PCNT: variants seen among roughly 807,000 people sequenced by gnomAD.
The protein encoded by PCNT is kendrin.
A neutral mutation model predicts 380.4 loss-of-function variants in PCNT; 319 were observed. The observed-to-expected ratio is 0.84, with a 90% CI of 0.77 to 0.92. The LOEUF (loss-of-function observed/expected upper bound fraction) is 0.92. PCNT is among the 40% of genes least tolerant of loss of function. PCNT has a pLI of 0.00. For synonymous variants in PCNT, 1,845 were observed against 1,735.2 expected (o/e 1.06, Z -1.57); for missense variants, 4,400 against 4,255.3 (o/e 1.03, Z -0.95).
In PCNT at chr21:46,347,472, A is replaced by G; in HGVS notation, c.992A>G (p.Lys331Arg). The G allele has an allele frequency of 6.2e-7, 1 of 1,611,990 alleles. No homozygotes were observed. Among genetic ancestry groups the G allele is most frequent in the African/African-American group, 1.3e-5 (1 of 74,892 alleles). The change falls in exon 6 of 47, where the codon AAG becomes AGG. Residue 331 changes from lysine to arginine, a missense_variant. Coordinates refer to ENST00000359568, the MANE Select transcript of PCNT (RefSeq NM_006031.6). The part of the protein sequence containing the change: ...CGQEAAELKE[K>R]LQSEMEKNAQ... ...TTTCTTGCAGCTGAGCTGAAGGAGA[A>G]GTTACAATCAGAAATGGAGAAAAAC...
chr21:46,417,844 A>C (rs1365617881), intron 30 of PCNT, among the ~76,000 whole-genome samples: 1 of 152,234 alleles, frequency 6.6e-6, no homozygotes, highest in Non-Finnish European at 1.5e-5. Flanking sequence ...TTGAGGATGC[A>C]GTGAGCCAAG....
At chr21:46,330,948 C>G (rs2146305801) in intron 2 of PCNT, among the ~76,000 whole-genome samples, 1 of 152,076 alleles carries the variant, frequency 6.6e-6, no homozygotes, top group South Asian at 2.1e-4. Flanking sequence ...TTTATTTTAC[C>G]CATCTATAAA....
At chr21:46,415,371 T>A (rs2086984371) in intron 29 of PCNT, among the ~76,000 whole-genome samples, 1 of 131,638 alleles carries the variant, frequency 7.6e-6, no homozygotes, top group Non-Finnish European at 1.6e-5. Context: ...TTGAATTTTT[T>A]TTTTTTTTTT....
intron 27 of PCNT, among the ~76,000 whole-genome samples, chr21:46,403,791 T>C (rs1389327472): frequency 1.6e-5 from 2 of 127,724 alleles, no homozygotes; most frequent in African/African-American, 6.2e-5. Flanking sequence ...GTGGGAGAAT[T>C]GTGTGTGTGG....
In PCNT at chr21:46,346,318, A is replaced by C. The variant is rs9979907; in HGVS notation, c.720+110A>C. The C allele has an allele frequency of 0.59, 383,298 of 647,262 alleles. 123,652 individuals are homozygous for C. The highest frequency in any genetic ancestry group is 0.78 in the African/African-American group (42,633 of 54,788). 40.1% of individuals were successfully genotyped at this position (647,262 alleles called of 1,614,324 possible). On this transcript the variant is annotated intron_variant, in intron 4 of 46. Coordinates refer to ENST00000359568, the MANE Select transcript of PCNT (RefSeq NM_006031.6). ...TGGGCGCTGCCATCTCCTTTCTCTG[A>C]GTTGTCTGTTTCCACGTTCTGTGTG... is the stretch of plus-strand genomic sequence containing the variant.
At position 46,348,620 on chromosome 21, in the gene PCNT, CT is replaced by C. The variant is rs533856499; in HGVS notation, c.1033-384del. Reference sequence around the variant, plus strand: ...TAGTTGGGGGCCATGACTGCCCATTCTTTTTTTTCTTTGAGACAGGGTCTCA... The same window carrying C: ...TAGTTGGGGGCCATGACTGCCCATTCTTTTTTTCTTTGAGACAGGGTCTCA... On this transcript the variant is annotated intron_variant, in intron 6 of 46. Coordinates refer to ENST00000359568, the MANE Select transcript of PCNT (RefSeq NM_006031.6). 2.6e-4 allele frequency among the ~76,000 whole-genome samples: 39 copies of C among 152,056 alleles called. No individual in the cohort carries two copies. In the South Asian group the frequency reaches 3.7e-3, roughly 15 times the overall value.
rs72175446 is a variant in PCNT, at chr21:46,353,715, GGTGTGT to G, written c.1680-240_1680-235del. Among the ~76,000 whole-genome samples, 2,209 of 129,004 alleles carry G rather than the reference GGTGTGT, an allele frequency of 0.017. 39 individuals carry two copies. The highest frequency in any genetic ancestry group is 0.046 in the South Asian group (172 of 3,778). 84.6% of individuals were successfully genotyped at this position (129,004 alleles called of 152,430 possible). ...TTGGTGGCAGGGGCACTCTCCTCCA[GGTGTGT>G]GTGTGTGTGTGTGTGTGTGTGTGTG... On this transcript the variant is annotated intron_variant, in intron 10 of 46. Transcript: ENST00000359568.
At chr21:46,426,207 T>C (rs1373750165) in intron 33 of PCNT, among the ~76,000 whole-genome samples, 4 of 151,790 alleles carry the variant, frequency 2.6e-5, no homozygotes, top group Non-Finnish European at 4.4e-5. Context: ...CTAATTTTTG[T>C]ATTTTTAGTA....
At chr21:46,394,948 A>T (rs1421912176) in intron 21 of PCNT, among the ~76,000 whole-genome samples, 1 of 152,174 alleles carries the variant, frequency 6.6e-6, no homozygotes, top group Non-Finnish European at 1.5e-5. Context: ...GTCTGCGTGC[A>T]TGTCAGCAGG....
Position 46,419,546 on chromosome 21 carries a change from C to T in PCNT, c.7024+1240C>T, listed in dbSNP as rs563289797. The stretch of plus-strand genomic sequence containing the variant: ...AGGTTTGCCCTTAAAGGACGCGCCC[C>T]GTGTTCCAGCAGAGCCGCTGGGAGC... On this transcript the variant is annotated intron_variant, in intron 31 of 46. Coordinates refer to ENST00000359568, the MANE Select transcript of PCNT (RefSeq NM_006031.6). Among the ~76,000 whole-genome samples, 63 of 152,372 alleles carry T rather than the reference C, an allele frequency of 4.1e-4. No homozygotes were observed. In the South Asian group the frequency reaches 0.013, roughly 31 times the overall value.
At chr21:46,368,967 T>C (rs2085025543) in intron 15 of PCNT, among the ~76,000 whole-genome samples, 1 of 152,242 alleles carries the variant, frequency 6.6e-6, no homozygotes. Flanking sequence ...CTCCAAAGCG[T>C]TGGCTTATTG....
chr21:46,411,320 G>T lies in PCNT; in HGVS notation c.5247G>T (p.Leu1749=). 6.2e-7 allele frequency: 1 copy of T among 1,614,200 alleles called. No individual in the cohort carries two copies. Among genetic ancestry groups the T allele is most frequent in the Non-Finnish European group, 8.5e-7 (1 of 1,180,050 alleles). The part of the protein sequence containing the change: ...IEQLHEVIEK[L]QHELSLMGPV... ...AACTCCATGAAGTCATTGAGAAGCT[G>T]CAGCACGAGCTGTCCCTCATGGGGC... The change falls in exon 28 of 47, where the codon CTG becomes CTT. Residue 1749 remains leucine (L), a synonymous_variant. Coordinates refer to ENST00000359568, the MANE Select transcript of PCNT (RefSeq NM_006031.6).
At chr21:46,357,247 C>T in intron 13 of PCNT, 56 bp downstream of exon 13, 3 of 1,243,858 alleles carry the variant, frequency 2.4e-6, no homozygotes, top group Non-Finnish European at 3.6e-6. Context: ...CTCTCTTCCA[C>T]CTGGAAGGCT....
chr21:46,426,899 C>T (rs58228841), intron 33 of PCNT, among the ~76,000 whole-genome samples: 7,994 of 152,298 alleles, frequency 0.052, 453 homozygotes, highest in African/African-American at 0.14. Flanking sequence ...GGCTTTCTCC[C>T]TGTGCCTGGA....
intron 6 of PCNT, among the ~76,000 whole-genome samples, chr21:46,347,752 C>T (rs1401935780): frequency 6.6e-6 from 1 of 152,234 alleles, no homozygotes; most frequent in Non-Finnish European, 1.5e-5. Flanking sequence ...TCGGCCCCTC[C>T]ATGCTGTCTT....
At chr21:46,377,125 G>A (rs1414640365) in intron 15 of PCNT, among the ~76,000 whole-genome samples, 4 of 152,230 alleles carry the variant, frequency 2.6e-5, no homozygotes. Flanking sequence ...TCTGGTGTCA[G>A]GGCTTCCATG....
intron 34 of PCNT, 115 bp downstream of exon 34, chr21:46,427,910 G>A (rs769731715): frequency 2.5e-4 from 287 of 1,158,940 alleles, no homozygotes; most frequent in Non-Finnish European, 3.3e-4. Flanking sequence ...TCTCTCGACC[G>A]CTGGAATGTG....
intron 9 of PCNT, among the ~76,000 whole-genome samples, chr21:46,351,969 C>G (rs921982036): frequency 1.3e-5 from 2 of 152,368 alleles, no homozygotes; most frequent in African/African-American, 4.8e-5. Flanking sequence ...AGGCCACTTG[C>G]TGAAGGCAGC....
chr21:46,429,221 C>T (rs2087637513), intron 35 of PCNT, among the ~76,000 whole-genome samples: 2 of 151,800 alleles, frequency 1.3e-5, no homozygotes, highest in South Asian at 2.1e-4. Context: ...TGGGGGCCGG[C>T]GCTGTGCACA....
Sources: allele counts gnomAD v4.1 joint callset (sites outside exome capture counted in the v4.1 genomes callset), GRCh38; gene constraint gnomAD v4.1.1; transcripts MANE v1.5; gene names NCBI Gene and HGNC (gene_info 2026-07-23, HGNC 2026-07-21).